Variants in IRAG2 observed in about 807,000 individuals in gnomAD.
IRAG2 encodes lymphoid restricted membrane protein.
IRAG2 carries 45 observed loss-of-function variants against 69.9 expected under a neutral mutation model. That is an observed-to-expected ratio of 0.64 (90% CI 0.51 to 0.83). The LOEUF (loss-of-function observed/expected upper bound fraction) is 0.83. Among genes scored for constraint, IRAG2 ranks in the 40% least tolerant of loss-of-function variants. The pLI, the probability that IRAG2 is intolerant of heterozygous loss-of-function variation, is 0.00. For missense variants in IRAG2, 520 were observed against 587.0 expected (o/e 0.89, Z 1.18); for synonymous variants, 193 against 202.4 (o/e 0.95, Z 0.40).
chr12:25,046,909 C>T (rs766410397), intron 16 of IRAG2, among the ~76,000 whole-genome samples: 10 of 152,168 alleles, frequency 6.6e-5, no homozygotes, highest in South Asian at 4.1e-4. Context: ...GAGACATTAC[C>T]GTTCCTGATT....
intron 17 of IRAG2, chr12:25,103,389 A>G: frequency 6.4e-6 from 1 of 156,936 alleles, no homozygotes; most frequent in Non-Finnish European, 1.4e-5. Context: ...ATGGTAGCAA[A>G]AGAGAAGAAT....
chr12:25,082,623 C>CAAACA (rs10674267), intron 9 of IRAG2, among the ~76,000 whole-genome samples: 27,297 of 150,646 alleles, frequency 0.18, 2,906 homozygotes, highest in East Asian at 0.41. Context: ...AAAACAAAAA[C>CAAACA]AAACAAAACA....
At chr12:25,048,933 T>C (rs1382589325), upstream of IRAG2, among the ~76,000 whole-genome samples, 2 of 152,232 alleles carry the variant, frequency 1.3e-5, no homozygotes, top group Non-Finnish European at 2.9e-5. Context: ...TGAGTTAATT[T>C]TTGTATAAGG....
intron 2 of IRAG2, among the ~76,000 whole-genome samples, chr12:25,005,742 A>C (rs1332205739): frequency 6.6e-6 from 1 of 152,162 alleles, no homozygotes; most frequent in African/African-American, 2.4e-5. Flanking sequence ...TTTTTCTTTA[A>C]TTTTTATTTT....
At chr12:25,068,777 A>G (rs1055706890) in intron 5 of IRAG2, among the ~76,000 whole-genome samples, 33 of 152,204 alleles carry the variant, frequency 2.2e-4, no homozygotes, top group African/African-American at 8.0e-4. Flanking sequence ...ACCAAATATT[A>G]GAGTAAAGAT....
intron 20 of IRAG2, among the ~76,000 whole-genome samples, chr12:25,106,391 GTATA>G (rs1194122166): frequency 1.5e-5 from 2 of 133,390 alleles, no homozygotes; most frequent in Non-Finnish European, 3.1e-5. Flanking sequence ...GAATATGTGT[GTATA>G]TATTATAAAC....
chr12:25,015,393 C>G (rs529645817), exon 5 of IRAG2: 1 of 1,231,656 alleles, frequency 8.1e-7, no homozygotes, highest in Admixed American at 4.2e-5. Flanking sequence ...TGGGGAGCTT[C>G]GAGGCTTTGG....
At chr12:25,010,037 T>C (rs1944462883) in intron 2 of IRAG2, among the ~76,000 whole-genome samples, 2 of 152,184 alleles carry the variant, frequency 1.3e-5, no homozygotes, top group African/African-American at 4.8e-5. Context: ...AATATGTAGG[T>C]ACCCATTGAT....
upstream of IRAG2, chr12:25,052,327 G>A (rs760621666): frequency 6.0e-5 from 24 of 397,734 alleles, no homozygotes; most frequent in African/African-American, 3.9e-4. Context: ...ACCAGCCAAC[G>A]GCTGGAGGAT....
At chr12:25,037,547 C>T (rs556741843) in intron 15 of IRAG2, among the ~76,000 whole-genome samples, 1 of 152,298 alleles carries the variant, frequency 6.6e-6, no homozygotes, top group South Asian at 2.1e-4. Flanking sequence ...GATCCACCCA[C>T]CTCAGCCCCC....
chr12:25,044,212 CTA>C (rs1944773672), intron 16 of IRAG2, among the ~76,000 whole-genome samples: 1 of 151,922 alleles, frequency 6.6e-6, no homozygotes, highest in African/African-American at 2.4e-5. Context: ...TTAAAATAGA[CTA>C]TTATAAGATG....
At chr12:24,997,646 A>C in the IRAG2 span, 2 of 153,660 alleles carry the variant, frequency 1.3e-5, no homozygotes, top group Non-Finnish European at 2.9e-5. Context: ...AAATAATTAA[A>C]TTTTGGCTGA....
At chr12:25,082,353 C>G (rs973739108) in intron 9 of IRAG2, among the ~76,000 whole-genome samples, 2 of 152,008 alleles carry the variant, frequency 1.3e-5, no homozygotes, top group African/African-American at 4.8e-5. Flanking sequence ...AATTCCAGCA[C>G]TTTGGGAGGC....
At chr12:25,094,808 T>C (rs940773409) in intron 14 of IRAG2, among the ~76,000 whole-genome samples, 1 of 152,206 alleles carries the variant, frequency 6.6e-6, no homozygotes, top group Admixed American at 6.5e-5. Context: ...GTTAGGTTTA[T>C]TCCTCAGTAT....
chr12:25,013,724 CA>C (rs1243614774), intron 3 of IRAG2, among the ~76,000 whole-genome samples: 3 of 151,264 alleles, frequency 2.0e-5, no homozygotes, highest in Admixed American at 2.0e-4. Flanking sequence ...GTAATTACTT[CA>C]AATAAATAGG....
At chr12:25,057,389 G>A (rs991431860) in intron 1 of IRAG2, among the ~76,000 whole-genome samples, 2 of 149,212 alleles carry the variant, frequency 1.3e-5, no homozygotes, top group African/African-American at 4.9e-5. Flanking sequence ...CTCCTGAGTA[G>A]CTAGGACTAT....
intron 16 of IRAG2, among the ~76,000 whole-genome samples, chr12:25,041,335 A>G (rs1439131082): frequency 6.6e-6 from 1 of 152,164 alleles, no homozygotes; most frequent in African/African-American, 2.4e-5. Context: ...AGCAGAGAAA[A>G]AATGTGATTT....
chr12:25,021,157 T>G (rs1591927474), intron 7 of IRAG2: 1 of 216,868 alleles, frequency 4.6e-6, no homozygotes, highest in South Asian at 1.9e-4. Context: ...CAGGCTGGAG[T>G]GCAGTGGCAG....
chr12:25,046,446 ACT>A (rs1944794270), intron 16 of IRAG2, among the ~76,000 whole-genome samples: 1 of 152,118 alleles, frequency 6.6e-6, no homozygotes. Context: ...TTTATAGAAA[ACT>A]CTAATGATTT....
Sources: allele counts gnomAD v4.1 joint callset (sites outside exome capture counted in the v4.1 genomes callset), GRCh38; gene constraint gnomAD v4.1.1; transcripts MANE v1.5; gene names NCBI Gene and HGNC (gene_info 2026-07-23, HGNC 2026-07-21).